SORCS3: variants seen among roughly 807,000 people sequenced by gnomAD.
SORCS3 encodes the protein sortilin related VPS10 domain containing receptor 3, also known as VPS10 domain-containing receptor SorCS3.
SORCS3 carries 57 observed loss-of-function variants against 146.3 expected under a neutral mutation model. That is an observed-to-expected ratio of 0.39 (90% CI 0.31 to 0.49). SORCS3 has a LOEUF of 0.49. SORCS3 is among the 20% of genes least tolerant of loss of function. SORCS3 has a pLI of 0.92. For missense variants in SORCS3, 1,341 were observed against 1,575.5 expected, an observed-to-expected ratio of 0.85 and a Z score of 2.52; for synonymous variants, 653 against 618.5, an observed-to-expected ratio of 1.06 and a Z score of -0.83.
chr10:105,075,641 A>G (rs909651600), intron 5 of SORCS3, among the ~76,000 whole-genome samples: 39 of 152,240 alleles, frequency 2.6e-4, no homozygotes, highest in Middle Eastern at 6.8e-3. Flanking sequence ...TTCCCTATAA[A>G]GAAGGGGGGC....
intron 2 of SORCS3, among the ~76,000 whole-genome samples, chr10:104,846,645 C>G (rs755740166): frequency 1.3e-5 from 2 of 152,220 alleles, no homozygotes; most frequent in South Asian, 2.1e-4. Context: ...GTAGCAGTAT[C>G]TTGTGCCCTT....
At chr10:105,126,766 C>A (rs1172350642) in intron 7 of SORCS3, among the ~76,000 whole-genome samples, 1 of 152,108 alleles carries the variant, frequency 6.6e-6, no homozygotes, top group Non-Finnish European at 1.5e-5. Context: ...TGTCCATCTA[C>A]AAAATGGAGA....
chr10:105,257,164 A>G (rs904906125), intron 25 of SORCS3, among the ~76,000 whole-genome samples: 3 of 152,194 alleles, frequency 2.0e-5, no homozygotes, highest in African/African-American at 7.2e-5. Flanking sequence ...AGACTGGCCA[A>G]TGAAATCAAT....
At position 105,197,291 on chromosome 10, in the gene SORCS3, A is replaced by G. The variant is rs183813487; in HGVS notation, c.2010-2708A>G. Among the ~76,000 whole-genome samples the G allele has an allele frequency of 1.1e-3, 169 of 152,316 alleles. 1 individual carries two copies. Among genetic ancestry groups the G allele is most frequent in the South Asian group, 7.9e-3 (38 of 4,830 alleles). On this transcript the variant is annotated intron_variant, in intron 14 of 26. Coordinates refer to ENST00000369701, the MANE Select transcript of SORCS3 (RefSeq NM_014978.3). ...TCTTCTTCAGTGGTCCTTAAACTTTAGGAACTATGAACCCCTTTGAATAAT... is the reference window on the plus strand; with the variant it reads ...TCTTCTTCAGTGGTCCTTAAACTTTGGGAACTATGAACCCCTTTGAATAAT...
intron 11 of SORCS3, among the ~76,000 whole-genome samples, chr10:105,162,164 T>G (rs188384205): frequency 6.6e-6 from 1 of 152,192 alleles, no homozygotes; most frequent in African/African-American, 2.4e-5. Flanking sequence ...TTTTATTTTA[T>G]TTTTTTAATA....
chr10:104,701,879 AT>A (rs1429337732), intron 1 of SORCS3, among the ~76,000 whole-genome samples: 1 of 152,074 alleles, frequency 6.6e-6, no homozygotes, highest in Non-Finnish European at 1.5e-5. Context: ...ATTTTATTTA[AT>A]TTTGGCTGCT....
chr10:105,067,502 G>T (rs892818038), intron 5 of SORCS3, among the ~76,000 whole-genome samples: 1 of 152,190 alleles, frequency 6.6e-6, no homozygotes, highest in Non-Finnish European at 1.5e-5. Flanking sequence ...ACTCCTGCCT[G>T]GGCGACAGAC....
chr10:104,817,414 C>T (rs1213429524), intron 1 of SORCS3, among the ~76,000 whole-genome samples: 1 of 97,196 alleles, frequency 1.0e-5, no homozygotes, highest in Admixed American at 9.9e-5. Context: ...CCTCCTCCCC[C>T]TTCCCCCTCC....
chr10:105,169,029 A>C (rs1245693670), intron 13 of SORCS3, among the ~76,000 whole-genome samples: 2 of 152,170 alleles, frequency 1.3e-5, no homozygotes, highest in African/African-American at 4.8e-5. Context: ...AGTATTTATT[A>C]AGGGACTTTC....
At chr10:104,983,113 T>G (rs986221174) in intron 4 of SORCS3, among the ~76,000 whole-genome samples, 13 of 152,060 alleles carry the variant, frequency 8.5e-5, no homozygotes, top group African/African-American at 2.9e-4. Flanking sequence ...GATTCTTGGG[T>G]TCAAGCCTCC....
intron 3 of SORCS3, among the ~76,000 whole-genome samples, chr10:104,923,707 C>T (rs2019110634): frequency 6.6e-6 from 1 of 152,198 alleles, no homozygotes; most frequent in South Asian, 2.1e-4. Flanking sequence ...CTCCCTCCTT[C>T]ATGGCCATTG....
chr10:105,099,134 G>T (rs944638311), intron 6 of SORCS3, among the ~76,000 whole-genome samples: 5 of 152,142 alleles, frequency 3.3e-5, no homozygotes, highest in Non-Finnish European at 7.4e-5. Context: ...AGATAGGTTA[G>T]TTGCACTCCC....
chr10:105,112,495 A>T (rs2055865078), intron 7 of SORCS3, among the ~76,000 whole-genome samples: 2 of 152,182 alleles, frequency 1.3e-5, no homozygotes, highest in Non-Finnish European at 2.9e-5. Context: ...AAACCCACAG[A>T]CCAACAGAGT....
intron 13 of SORCS3, among the ~76,000 whole-genome samples, chr10:105,175,477 C>A (rs1371410835): frequency 6.6e-6 from 1 of 152,060 alleles, no homozygotes; most frequent in Non-Finnish European, 1.5e-5. Context: ...ACAAACCAAA[C>A]AAAAAACCCA....
At chr10:104,992,713 C>T (rs1231905026) in intron 4 of SORCS3, among the ~76,000 whole-genome samples, 1 of 152,184 alleles carries the variant, frequency 6.6e-6, no homozygotes, top group Non-Finnish European at 1.5e-5. Flanking sequence ...ATGCTTTCTT[C>T]TAGGAGTCCT....
At chr10:104,688,367 T>A (rs1398844236) in intron 1 of SORCS3, among the ~76,000 whole-genome samples, 2 of 152,042 alleles carry the variant, frequency 1.3e-5, no homozygotes, top group African/African-American at 2.4e-5. Flanking sequence ...GGGGGGCAGT[T>A]GGAGGGGGGG....
At chr10:105,089,890 T>G (rs2055690098) in intron 6 of SORCS3, 51 bp downstream of exon 6, 1 of 1,442,766 alleles carries the variant, frequency 6.9e-7, no homozygotes, top group Non-Finnish European at 9.8e-7. Flanking sequence ...CCTGCAGGTC[T>G]CTGTCCTCCC....
chr10:104,993,588 T>C (rs909612230), intron 4 of SORCS3, among the ~76,000 whole-genome samples: 16 of 151,822 alleles, frequency 1.1e-4, no homozygotes, highest in African/African-American at 3.6e-4. Flanking sequence ...ATAATTGAAA[T>C]GCTGAAAGGT....
intron 15 of SORCS3, among the ~76,000 whole-genome samples, chr10:105,200,764 TC>T (rs1359640403): frequency 6.6e-6 from 1 of 152,180 alleles, no homozygotes; most frequent in Non-Finnish European, 1.5e-5. Flanking sequence ...ATAAATGGGC[TC>T]CTTTCCACTA....
Sources: gnomAD v4.1 joint callset for allele counts (sites outside exome capture counted in the v4.1 genomes callset) on GRCh38, gnomAD v4.1.1 for gene constraint, MANE v1.5 for transcripts, NCBI Gene and HGNC (gene_info 2026-07-23, HGNC 2026-07-21) for gene names.